The following MYO16 variants were observed in gnomAD, a reference collection of about 807,000 sequenced individuals.
MYO16 encodes unconventional myosin-XVI.
MYO16 carries 94 observed loss-of-function variants against 205.3 expected under a neutral mutation model. That is an observed-to-expected ratio of 0.46 (90% CI 0.39 to 0.54). The LOEUF (loss-of-function observed/expected upper bound fraction) is 0.54, where lower values mean the gene tolerates loss of function less well. Among genes scored for constraint, MYO16 ranks in the 20% least tolerant of loss-of-function variants. The probability of loss-of-function intolerance (pLI) is 0.00; values close to 1 mark genes in which losing one functional copy is unlikely to be tolerated. For synonymous variants in MYO16, 988 were observed against 954.0 expected (o/e 1.04, Z -0.66); for missense variants, 2,315 against 2,387.5 (o/e 0.97, Z 0.63).
chr13:108,624,276 T>C (rs1036532594), intron 1 of MYO16, among the ~76,000 whole-genome samples: 1 of 152,202 alleles, frequency 6.6e-6, no homozygotes, highest in Non-Finnish European at 1.5e-5. Context: ...GCTGTCTTAT[T>C]TAGGCCAACA....
chr13:108,973,023 A>G (rs995613378), intron 20 of MYO16, among the ~76,000 whole-genome samples: 4 of 152,110 alleles, frequency 2.6e-5, no homozygotes, highest in Admixed American at 1.3e-4. Flanking sequence ...TGGGGATCCC[A>G]TGGAGCATCT....
chr13:108,808,276 A>G (rs1226519086), intron 7 of MYO16, among the ~76,000 whole-genome samples: 1 of 150,406 alleles, frequency 6.6e-6, no homozygotes, highest in Non-Finnish European at 1.5e-5. Context: ...TAAGAAACCT[A>G]CAGAAATAGA....
intron 1 of MYO16, among the ~76,000 whole-genome samples, chr13:108,610,710 G>T (rs1566504261): frequency 6.6e-6 from 1 of 152,168 alleles, no homozygotes; most frequent in African/African-American, 2.4e-5. Context: ...GCTGGATCTG[G>T]CAGAGACTCT....
At chr13:109,054,520 A>G (rs1887351076) in intron 25 of MYO16, among the ~76,000 whole-genome samples, 1 of 152,104 alleles carries the variant, frequency 6.6e-6, no homozygotes, top group African/African-American at 2.4e-5. Flanking sequence ...TTCATGATAA[A>G]TATGAACAGT....
At chr13:108,894,102 G>T (rs1880298755) in intron 14 of MYO16, among the ~76,000 whole-genome samples, 1 of 152,170 alleles carries the variant, frequency 6.6e-6, no homozygotes, top group Non-Finnish European at 1.5e-5. Flanking sequence ...TTACATGATG[G>T]CAGGAGAGAG....
chr13:108,779,321 A>G (rs969130329), intron 4 of MYO16, among the ~76,000 whole-genome samples: 1 of 152,240 alleles, frequency 6.6e-6, no homozygotes, highest in African/African-American at 2.4e-5. Context: ...AAAAAGAAAG[A>G]TTGATGATAA....
At chr13:108,977,956 T>G (rs1884323562) in intron 20 of MYO16, among the ~76,000 whole-genome samples, 1 of 152,112 alleles carries the variant, frequency 6.6e-6, no homozygotes, top group Non-Finnish European at 1.5e-5. Context: ...GATTTTTTTC[T>G]TCCGCAAATA....
At chr13:109,087,839 G>A (rs1888483916) in intron 27 of MYO16, among the ~76,000 whole-genome samples, 1 of 152,204 alleles carries the variant, frequency 6.6e-6, no homozygotes, top group Non-Finnish European at 1.5e-5. Flanking sequence ...GGAGCAAATT[G>A]CTTTAGGAAT....
Position 109,030,581 on chromosome 13 carries a change from G to A in MYO16, c.2796+10670G>A, listed in dbSNP as rs572249904. On this transcript the variant is annotated intron_variant, in intron 23 of 34. Coordinates refer to ENST00000457511, the MANE Select transcript of MYO16 (RefSeq NM_001198950.3). ...GAAAGGGATTATAAATTTGATGGAT[G>A]TATGAATTTACTTTCATTTTGTGAA... Among the ~76,000 whole-genome samples the A allele has an allele frequency of 7.2e-5, 11 of 152,236 alleles. 1 individual carries two copies. In the South Asian group the frequency reaches 1.0e-3, roughly 14 times the overall value.
intron 23 of MYO16, among the ~76,000 whole-genome samples, chr13:109,042,466 G>C (rs1293153396): frequency 6.6e-6 from 1 of 151,962 alleles, no homozygotes; most frequent in Admixed American, 6.6e-5. Context: ...TGTCCCGGAG[G>C]GAATACTTGA....
At chr13:108,510,158 C>A in the MYO16 span, among the ~76,000 whole-genome samples, 2 of 152,100 alleles carry the variant, frequency 1.3e-5, no homozygotes, top group Non-Finnish European at 2.9e-5. Context: ...GCCCTGTCGC[C>A]CAGGCTGGAG....
intron 4 of MYO16, among the ~76,000 whole-genome samples, chr13:108,737,895 T>C (rs1490200663): frequency 2.0e-5 from 3 of 152,230 alleles, no homozygotes; most frequent in Non-Finnish European, 4.4e-5. Context: ...ATTTATCCAT[T>C]TCTTCTAGAT....
At chr13:108,689,959 C>A (rs1203537783) in intron 2 of MYO16, among the ~76,000 whole-genome samples, 1 of 152,048 alleles carries the variant, frequency 6.6e-6, no homozygotes, top group African/African-American at 2.4e-5. Flanking sequence ...GTATATGTAC[C>A]TAAGTTATTT....
At chr13:109,014,934 C>G (rs1189740470) in intron 22 of MYO16, among the ~76,000 whole-genome samples, 1 of 152,150 alleles carries the variant, frequency 6.6e-6, no homozygotes, top group East Asian at 1.9e-4. Flanking sequence ...TTCCTCTTTT[C>G]CTAATTGAAT....
chr13:108,903,163 TA>T (rs1272983932), intron 15 of MYO16, among the ~76,000 whole-genome samples: 2 of 152,210 alleles, frequency 1.3e-5, no homozygotes, highest in Admixed American at 6.5e-5. Context: ...GTTCTCAACT[TA>T]ATAAGGAAAG....
chr13:108,969,099 C>T (rs1332569311), intron 20 of MYO16, among the ~76,000 whole-genome samples: 4 of 152,124 alleles, frequency 2.6e-5, no homozygotes, highest in Non-Finnish European at 5.9e-5. Flanking sequence ...TGAGTTGGAT[C>T]TTTTTTTGTT....
At chr13:108,554,250 A>G in the MYO16 span, among the ~76,000 whole-genome samples, 1 of 151,844 alleles carries the variant, frequency 6.6e-6, no homozygotes, top group East Asian at 1.9e-4. Flanking sequence ...AAAAAAAGAA[A>G]AAAAAAAAGG....
At chr13:108,579,172 G>T in the MYO16 span, among the ~76,000 whole-genome samples, 1 of 152,120 alleles carries the variant, frequency 6.6e-6, no homozygotes, top group East Asian at 1.9e-4. Context: ...CCCATGCCCT[G>T]TGTAGTTATT....
intron 33 of MYO16, among the ~76,000 whole-genome samples, chr13:109,165,522 A>G (rs1313761705): frequency 6.6e-6 from 1 of 152,202 alleles, no homozygotes; most frequent in Non-Finnish European, 1.5e-5. Flanking sequence ...TCACGCAAGT[A>G]TTTTCTCTCA....
Sources: gnomAD v4.1 joint callset for allele counts (sites outside exome capture counted in the v4.1 genomes callset) on GRCh38, gnomAD v4.1.1 for gene constraint, MANE v1.5 for transcripts, NCBI Gene and HGNC (gene_info 2026-07-23, HGNC 2026-07-21) for gene names.